MCMBP: variants seen among roughly 807,000 people sequenced by gnomAD.
The protein encoded by MCMBP is mini-chromosome maintenance complex-binding protein.
A neutral mutation model predicts 81.3 loss-of-function variants in MCMBP; 31 were observed. The ratio of observed to expected loss-of-function variants is 0.38; its 90% confidence interval spans 0.29 to 0.51. MCMBP has a LOEUF of 0.51. Ranked by LOEUF, MCMBP falls within the 20% of genes least tolerant of loss-of-function variation. The pLI is 0.87. For missense variants in MCMBP, 645 were observed against 772.1 expected (o/e 0.84, Z 1.95); for synonymous variants, 267 against 275.9 (o/e 0.97, Z 0.32).
intron 8 of MCMBP, among the ~76,000 whole-genome samples, chr10:119,847,019 C>G (rs1001433815): frequency 1.3e-5 from 2 of 152,004 alleles, no homozygotes; most frequent in African/African-American, 4.8e-5. Context: ...GTTAACAATT[C>G]TGAAATTCCC....
At chr10:119,845,518 T>TA (rs1852587331) in intron 8 of MCMBP, among the ~76,000 whole-genome samples, 1 of 151,984 alleles carries the variant, frequency 6.6e-6, no homozygotes, top group Non-Finnish European at 1.5e-5. Context: ...TGTAAAAAAA[T>TA]AAATACAGGA....
In MCMBP at chr10:119,836,917, C is replaced by T. The variant is rs199532564; in HGVS notation, c.1521G>A (p.Ser507=). 9.9e-6 allele frequency: 16 copies of T among 1,611,690 alleles called. No homozygotes were observed. Among genetic ancestry groups the T allele is most frequent in the Admixed American group, 5.0e-5 (3 of 59,806 alleles). ...FPCNINVFIT[S]EGRSLLPADC... ...ATACCGGGAGGAGTGACCTCCCCTC[C>T]GAAGTAATGAAAACGTTAATATTGC... The change falls in exon 13 of 16, where the codon TCG becomes TCA. Residue 507 remains serine, a synonymous_variant. Transcript: ENST00000369077.
At chr10:119,859,442 G>T (rs1243199727) in intron 2 of MCMBP, among the ~76,000 whole-genome samples, 3 of 152,086 alleles carry the variant, frequency 2.0e-5, no homozygotes, top group Non-Finnish European at 4.4e-5. Flanking sequence ...TTTTCATTCA[G>T]AACACTTTTC....
At chr10:119,842,789 A>C (rs1267683740) in intron 9 of MCMBP, 194 bp from the exon 10 acceptor site, 5 of 529,664 alleles carry the variant, frequency 9.4e-6, no homozygotes, top group African/African-American at 7.8e-5. Flanking sequence ...TTTGAGACCA[A>C]GTTTTGCTCT....
chr10:119,850,379 C>T (rs377590230), intron 6 of MCMBP, among the ~76,000 whole-genome samples: 7 of 152,202 alleles, frequency 4.6e-5, no homozygotes, highest in African/African-American at 1.7e-4. Flanking sequence ...AAAAGGGCAA[C>T]ATGAGAGATC....
rs1852889203 is a variant in MCMBP at position 119,853,084 on chromosome 10, C to T, written c.540G>A (p.Lys180=). The change falls in exon 6 of 16, where the codon AAG becomes AAA. Residue 180 remains lysine, a synonymous_variant. Transcript: ENST00000369077. ...TGGCACCTGCATGTTGGTCTTTCTG[C>T]TTATTGGGCTGTAGGTCCATATCGT... ...DDDDMDLQPN[K]QKDQHAGARQ... is the part of the protein sequence containing the mutation. 1.2e-6 allele frequency: 2 copies of T among 1,614,048 alleles called. No homozygotes were observed. The highest frequency in any genetic ancestry group is 1.3e-5 in the African/African-American group (1 of 74,934).
intron 11 of MCMBP, 108 bp from the exon 12 acceptor site, chr10:119,838,808 A>C (rs998961037): frequency 1.5e-5 from 15 of 992,462 alleles, no homozygotes; most frequent in East Asian, 2.7e-5. Flanking sequence ...TGATCTTATA[A>C]ATTTCTAAGG....
In MCMBP at chr10:119,830,539, G is replaced by T. The variant is rs1461966689; in HGVS notation, c.*935C>A. 1 of 152,160 alleles carries T rather than the reference G, an allele frequency of 6.6e-6. No individual in the cohort carries two copies. Among genetic ancestry groups the T allele is most frequent in the Non-Finnish European group, 1.5e-5 (1 of 68,046 alleles). 9.4% of individuals were successfully genotyped at this position (152,160 alleles called of 1,614,324 possible). On this transcript the variant is annotated 3_prime_UTR_variant, in exon 16 of 16. Coordinates refer to ENST00000369077, the MANE Select transcript of MCMBP (RefSeq NM_001256378.2). The stretch of plus-strand genomic sequence containing the variant: ...TAAGAAAATAAAAACTTTCTAAAGG[G>T]GGTATTGCTTTTTAAGTTTCCTATT...
intron 5 of MCMBP, among the ~76,000 whole-genome samples, chr10:119,856,900 A>G (rs1853066390): frequency 6.6e-6 from 1 of 152,088 alleles, no homozygotes; most frequent in South Asian, 2.1e-4. Flanking sequence ...CAGGAGTTCA[A>G]GACCAGCTTG....
chr10:119,840,251 C>T (rs764580895), intron 11 of MCMBP, among the ~76,000 whole-genome samples: 6 of 152,078 alleles, frequency 3.9e-5, no homozygotes, highest in Non-Finnish European at 5.9e-5. Context: ...AGGGCCTGGA[C>T]GAGTGTTAGC....
At chr10:119,843,986 G>A (rs893159395) in intron 8 of MCMBP, among the ~76,000 whole-genome samples, 9 of 152,120 alleles carry the variant, frequency 5.9e-5, no homozygotes, top group Admixed American at 5.9e-4. Flanking sequence ...TTGTTATTCA[G>A]CACTTCAATA....
intron 4 of MCMBP, 36 bp downstream of exon 4, chr10:119,858,848 T>G: frequency 6.8e-7 from 1 of 1,472,940 alleles, no homozygotes; most frequent in Non-Finnish European, 9.3e-7. Context: ...AAAAAATTCT[T>G]ACTAAAAATG....
chr10:119,872,950 G>A (rs1487578787), upstream of MCMBP: 1 of 151,832 alleles, frequency 6.6e-6, no homozygotes, highest in Non-Finnish European at 1.5e-5. Context: ...GCGGCGAGGA[G>A]GAGGGGCGGC....
chr10:119,873,524 G>C (rs1853791007), upstream of MCMBP: 1 of 152,248 alleles, frequency 6.6e-6, no homozygotes, highest in African/African-American at 2.4e-5. Flanking sequence ...AGCCGCCGTC[G>C]GGGAGCGGTG....
intron 1 of MCMBP, among the ~76,000 whole-genome samples, chr10:119,865,123 A>T (rs578051780): frequency 7.1e-6 from 1 of 140,536 alleles, no homozygotes; most frequent in South Asian, 3.3e-4. Flanking sequence ...GGAGTAGTAA[A>T]ATATCTAACT....
intron 4 of MCMBP, among the ~76,000 whole-genome samples, chr10:119,858,407 T>TA (rs1482698623): frequency 1.3e-5 from 2 of 152,196 alleles, no homozygotes; most frequent in African/African-American, 4.8e-5. Flanking sequence ...TTCCACTTCT[T>TA]AGAGTTTTCT....
chr10:119,846,624 A>C (rs1295038966), intron 8 of MCMBP, among the ~76,000 whole-genome samples: 1 of 152,226 alleles, frequency 6.6e-6, no homozygotes, highest in Non-Finnish European at 1.5e-5. Context: ...CAGTAAAGGG[A>C]CAAACTGACA....
At chr10:119,849,400 T>G in intron 7 of MCMBP, 25 bp downstream of exon 7, 1 of 1,594,462 alleles carries the variant, frequency 6.3e-7, no homozygotes, top group South Asian at 1.1e-5. Context: ...CATTTCAGTG[T>G]TGGATCTACG....
At chr10:119,856,312 C>G (rs1248508887) in intron 5 of MCMBP, among the ~76,000 whole-genome samples, 1 of 152,166 alleles carries the variant, frequency 6.6e-6, no homozygotes, top group African/African-American at 2.4e-5. Context: ...CAGCTTAAAA[C>G]CGTAAATAAC....
Sources: gnomAD v4.1 joint callset for allele counts (sites outside exome capture counted in the v4.1 genomes callset) on GRCh38, gnomAD v4.1.1 for gene constraint, MANE v1.5 for transcripts, NCBI Gene and HGNC (gene_info 2026-07-23, HGNC 2026-07-21) for gene names.